Variants in NEMF observed in about 807,000 individuals in gnomAD.
NEMF encodes the protein nuclear export mediator factor.
A neutral mutation model predicts 162.2 loss-of-function variants in NEMF; 89 were observed. That is an observed-to-expected ratio of 0.55 (90% CI 0.46 to 0.65). The LOEUF (loss-of-function observed/expected upper bound fraction) is 0.65. Ranked by LOEUF, NEMF falls within the 30% of genes least tolerant of loss-of-function variation. The pLI is 0.00. For missense variants in NEMF, 1,133 were observed against 1,261.9 expected, an observed-to-expected ratio of 0.90 and a Z score of 1.55; for synonymous variants, 421 against 404.5, an observed-to-expected ratio of 1.04 and a Z score of -0.49.
chr14:49,852,723 G>C lies in NEMF; in HGVS notation c.31C>G (p.Arg11Gly). The change falls in exon 1 of 33, where the codon CGC (arginine) becomes GGC (glycine). Residue 11 changes from arginine to glycine, a missense_variant. This residue lies in a region of NEMF where 582 missense variants were observed against 631.5 expected (regional missense o/e 0.92). Coordinates refer to ENST00000298310, the MANE Select transcript of NEMF (RefSeq NM_004713.6). MKSRFSTIDL[R>G]AVLAELNASL... is the part of the protein sequence containing the mutation. ...GCATTCAGCTCCGCGAGTACGGCGC[G>C]GAGGTCAATGGTGCTAAAGCGGCTC... The C allele has an allele frequency of 6.2e-7, 1 of 1,614,256 alleles. No individual in the cohort carries two copies. Among genetic ancestry groups the C allele is most frequent in the Non-Finnish European group, 8.5e-7 (1 of 1,180,050 alleles).
intron 16 of NEMF, among the ~76,000 whole-genome samples, chr14:49,818,084 CTTTTTTTT>C (rs983729819): frequency 1.1e-4 from 14 of 132,330 alleles, no homozygotes; most frequent in African/African-American, 3.9e-4. Context: ...AGTGATGAGA[CTTTTTTTT>C]TTTTTTTTTT....
At chr14:49,844,820 G>A (rs1196365752) in intron 4 of NEMF, 5 of 426,108 alleles carry the variant, frequency 1.2e-5, no homozygotes, top group Non-Finnish European at 1.9e-5. Flanking sequence ...CTGAGCTGGA[G>A]TACAATGGCA....
At chr14:49,792,160 C>A (rs1890483834) in intron 26 of NEMF, among the ~76,000 whole-genome samples, 1 of 151,784 alleles carries the variant, frequency 6.6e-6, no homozygotes, top group African/African-American at 2.4e-5. Flanking sequence ...AAAAAGTCTC[C>A]TCACAAAACC....
chr14:49,819,320 G>A (rs577441007), intron 16 of NEMF, among the ~76,000 whole-genome samples: 1 of 151,864 alleles, frequency 6.6e-6, no homozygotes, highest in South Asian at 2.1e-4. Context: ...TACGTGAGAT[G>A]ATGCATATGT....
At position 49,831,946 on chromosome 14, in the gene NEMF, T is replaced by C. The variant is rs894813606; in HGVS notation, c.882+105A>G. 3 of 706,718 alleles carry C rather than the reference T, an allele frequency of 4.2e-6. No homozygotes were observed. In the African/African-American group the frequency reaches 5.5e-5, roughly 13 times the overall value. The allele number at this position is 706,718 out of a possible 1,614,324, so 43.8% of individuals were successfully genotyped here. On this transcript the variant is annotated intron_variant, in intron 10 of 32. Coordinates refer to ENST00000298310, the MANE Select transcript of NEMF (RefSeq NM_004713.6). ...TGATCTTTAATGCCCAGATTCACAG[T>C]GAATGTAAAGCAAGTATAGTTTCAG...
intron 16 of NEMF, among the ~76,000 whole-genome samples, chr14:49,817,809 G>T (rs780445119): frequency 1.1e-4 from 16 of 152,154 alleles, no homozygotes; most frequent in Non-Finnish European, 1.8e-4. Flanking sequence ...ATTTGAATCT[G>T]CAATGACAAG....
intron 22 of NEMF, chr14:49,800,972 G>T (rs919673589): frequency 5.8e-6 from 2 of 342,252 alleles, no homozygotes; most frequent in Admixed American, 8.9e-5. Flanking sequence ...GCCTTAGTTG[G>T]GTATTTCCAA....
intron 16 of NEMF, among the ~76,000 whole-genome samples, chr14:49,816,092 T>A (rs1483272295): frequency 1.3e-5 from 2 of 152,296 alleles, no homozygotes; most frequent in African/African-American, 4.8e-5. Flanking sequence ...GTCTCAAGAT[T>A]CTTTATACAT....
In NEMF at chr14:49,785,076, A is replaced by G; in HGVS notation, c.3073+16T>C. ...AACTGTTTAAAATCATAATTCAAAA[A>G]AACAAATTTAAATACCTTTTCCCTT... On this transcript the variant is annotated intron_variant, in intron 31 of 32. Coordinates refer to ENST00000298310, the MANE Select transcript of NEMF (RefSeq NM_004713.6). The G allele has an allele frequency of 1.2e-6, 2 of 1,607,218 alleles. No individual in the cohort carries two copies. Among genetic ancestry groups the G allele is most frequent in the Non-Finnish European group, 1.7e-6 (2 of 1,174,080 alleles).
At chr14:49,839,045 C>A (rs923419877) in intron 5 of NEMF, among the ~76,000 whole-genome samples, 3 of 151,298 alleles carry the variant, frequency 2.0e-5, no homozygotes, top group African/African-American at 7.3e-5. Flanking sequence ...ACAAGCCCTC[C>A]AGGTAATGCT....
rs774656179 is a variant in NEMF at position 49,833,436 on chromosome 14, T to C, written c.722A>G (p.Asn241Ser). Reference sequence around the variant, plus strand: ...ACATGGTGCTACCTTCCCACTGAAGTTGGATGTTGTTTTCATATAGTCTTC... The same window carrying C: ...ACATGGTGCTACCTTCCCACTGAAGCTGGATGTTGTTTTCATATAGTCTTC... Reference protein sequence around the residue: ...KAEDYMKTTSNFSGKGYIIQK... With the variant: ...KAEDYMKTTSSFSGKGYIIQK... Residue 241 changes from asparagine to serine, a missense_variant, in exon 8 of 33, where the codon AAC (asparagine) becomes AGC (serine). Transcript: ENST00000298310. 2 of 1,582,502 alleles carry C rather than the reference T, an allele frequency of 1.3e-6. No homozygotes were observed. The highest frequency in any genetic ancestry group is 1.7e-6 in the Non-Finnish European group (2 of 1,157,986).
chr14:49,792,338 C>A (rs2139834293), intron 26 of NEMF, among the ~76,000 whole-genome samples: 1 of 152,248 alleles, frequency 6.6e-6, no homozygotes, highest in South Asian at 2.1e-4. Context: ...GCCTCAGCCT[C>A]CAAGAAGCTG....
chr14:49,798,703 C>T (rs570745113), intron 25 of NEMF, among the ~76,000 whole-genome samples: 7 of 152,158 alleles, frequency 4.6e-5, no homozygotes, highest in Non-Finnish European at 5.9e-5. Context: ...GTCAGAAGAT[C>T]GAGACTATCC....
intron 19 of NEMF, among the ~76,000 whole-genome samples, chr14:49,805,503 GAAAA>G (rs11295089): frequency 6.8e-6 from 1 of 147,192 alleles, no homozygotes; most frequent in Admixed American, 6.8e-5. Flanking sequence ...TCTCTATAAA[GAAAA>G]AAAAAAATGC....
rs1354701334 is a variant in NEMF, at chr14:49,828,757, A to G, written c.1283T>C (p.Val428Ala). The part of the protein sequence containing the change: ...EEEDDDVDGD[V>A]NVEKNETEPP... ...TTCAGTTTCATTTTTCTCAACATTGACGTCACCATCAACATCATCATCTTC... is the reference window on the plus strand; with the variant it reads ...TTCAGTTTCATTTTTCTCAACATTGGCGTCACCATCAACATCATCATCTTC... Residue 428 changes from valine to alanine, a missense_variant, in exon 14 of 33, where the codon GTC (valine) becomes GCC (alanine). Physicochemically the swap from Val to Ala is moderately conservative, Grantham distance 64. Transcript: ENST00000298310. 1 of 1,572,802 alleles carries G rather than the reference A, an allele frequency of 6.4e-7. No individual in the cohort carries two copies. The highest frequency in any genetic ancestry group is 1.4e-5 in the African/African-American group (1 of 73,660).
intron 6 of NEMF, among the ~76,000 whole-genome samples, chr14:49,835,024 C>T (rs1333361549): frequency 1.3e-5 from 2 of 152,060 alleles, no homozygotes; most frequent in Non-Finnish European, 1.5e-5. Flanking sequence ...CATGGAGAAA[C>T]CCCATCTCTA....
chr14:49,847,322 C>T (rs1354092896), intron 3 of NEMF, among the ~76,000 whole-genome samples: 1 of 152,080 alleles, frequency 6.6e-6, no homozygotes, highest in Non-Finnish European at 1.5e-5. Context: ...CTGCCTCACC[C>T]TCCCAAGAGT....
intron 29 of NEMF, chr14:49,786,114 T>C (rs1890167598): frequency 6.6e-6 from 1 of 152,440 alleles, no homozygotes. Flanking sequence ...CGATGAGGGG[T>C]GAGAAGGAAT....
intron 28 of NEMF, 132 bp from the exon 29 acceptor site, chr14:49,786,882 C>T (rs1206405517): frequency 4.1e-6 from 3 of 739,298 alleles, no homozygotes; most frequent in Non-Finnish European, 6.7e-6. Flanking sequence ...TAGGGGGCCT[C>T]AAGGTTATAT....
Sources: allele counts gnomAD v4.1 joint callset (sites outside exome capture counted in the v4.1 genomes callset), GRCh38; gene constraint gnomAD v4.1.1; regional missense constraint gnomAD v4.1.1; transcripts MANE v1.5; gene names NCBI Gene and HGNC (gene_info 2026-07-23, HGNC 2026-07-21).